Variants in SUGCT observed in about 807,000 individuals in gnomAD.
The protein encoded by SUGCT is succinyl-CoA:glutarate CoA-transferase.
A neutral mutation model predicts 55.0 loss-of-function variants in SUGCT; 41 were observed. The ratio of observed to expected loss-of-function variants is 0.74; its 90% CI spans 0.58 to 0.97. The LOEUF is 0.97. Ranked by LOEUF, SUGCT falls within the 50% of genes least tolerant of loss-of-function variation. The pLI is 0.00. For missense variants in SUGCT, 568 were observed against 547.8 expected (o/e 1.04, Z -0.37); for synonymous variants, 187 against 200.4 (o/e 0.93, Z 0.56).
At chr7:40,793,545 T>C (rs1392886368) in intron 13 of SUGCT, among the ~76,000 whole-genome samples, 1 of 152,182 alleles carries the variant, frequency 6.6e-6, no homozygotes, top group Non-Finnish European at 1.5e-5. Flanking sequence ...TTTAAATTTT[T>C]GTCTTGGACT....
chr7:40,548,086 G>A (rs1320044763), intron 12 of SUGCT, among the ~76,000 whole-genome samples: 1 of 151,180 alleles, frequency 6.6e-6, no homozygotes, highest in African/African-American at 2.4e-5. Context: ...ATTTCATTTA[G>A]TGACCTCAGT....
intron 13 of SUGCT, among the ~76,000 whole-genome samples, chr7:40,814,731 T>G (rs1287528229): frequency 6.6e-6 from 1 of 152,166 alleles, no homozygotes; most frequent in East Asian, 1.9e-4. Context: ...AGAGCTAGTG[T>G]GATCCTTTGA....
At chr7:40,440,892 A>C (rs1311916532) in intron 9 of SUGCT, among the ~76,000 whole-genome samples, 1 of 151,986 alleles carries the variant, frequency 6.6e-6, no homozygotes, top group African/African-American at 2.4e-5. Context: ...TAGCAGTTTG[A>C]GACTGCAGTG....
chr7:40,447,513 C>T (rs1429595419), intron 9 of SUGCT, among the ~76,000 whole-genome samples: 1 of 151,678 alleles, frequency 6.6e-6, no homozygotes, highest in African/African-American at 2.4e-5. Flanking sequence ...TGACAGAGGT[C>T]ACTAGAATGT....
At chr7:40,540,612 G>T (rs1794621236) in intron 12 of SUGCT, among the ~76,000 whole-genome samples, 1 of 152,188 alleles carries the variant, frequency 6.6e-6, no homozygotes, top group Non-Finnish European at 1.5e-5. Context: ...ATTAATGTTG[G>T]CAAACAGGGC....
intron 12 of SUGCT, among the ~76,000 whole-genome samples, chr7:40,688,413 A>G (rs532066425): frequency 6.6e-6 from 1 of 152,314 alleles, no homozygotes; most frequent in African/African-American, 2.4e-5. Context: ...AATAGTTGCC[A>G]TGGCACTTCT....
chr7:40,493,717 A>G (rs1463061659), intron 11 of SUGCT, among the ~76,000 whole-genome samples: 2 of 152,206 alleles, frequency 1.3e-5, no homozygotes, highest in African/African-American at 2.4e-5. Flanking sequence ...TTTTTGTCTT[A>G]TCTTCTGAAA....
chr7:40,722,874 T>C (rs986317626), intron 12 of SUGCT, among the ~76,000 whole-genome samples: 1 of 152,164 alleles, frequency 6.6e-6, no homozygotes, highest in Admixed American at 6.5e-5. Context: ...TTCAATCTGA[T>C]AACATTATTT....
At chr7:40,363,885 G>A (rs1245636391) in intron 9 of SUGCT, among the ~76,000 whole-genome samples, 1 of 152,076 alleles carries the variant, frequency 6.6e-6, no homozygotes, top group African/African-American at 2.4e-5. Flanking sequence ...TTTCTGTCTC[G>A]TTGATCTGTC....
At chr7:40,386,427 G>C (rs1785132638) in intron 9 of SUGCT, among the ~76,000 whole-genome samples, 1 of 152,134 alleles carries the variant, frequency 6.6e-6, no homozygotes, top group Non-Finnish European at 1.5e-5. Context: ...ATGGTGCATA[G>C]AACAAAGTAT....
At chr7:40,221,827 G>A (rs192587436) in intron 6 of SUGCT, among the ~76,000 whole-genome samples, 2 of 152,250 alleles carry the variant, frequency 1.3e-5, no homozygotes, top group African/African-American at 4.8e-5. Context: ...TTAATTGAAT[G>A]TTCATAGTTT....
intron 6 of SUGCT, among the ~76,000 whole-genome samples, chr7:40,229,499 A>G (rs1460566806): frequency 6.9e-6 from 1 of 144,174 alleles, no homozygotes; most frequent in Non-Finnish European, 1.5e-5. Context: ...AGTCTGGGCA[A>G]TAGAGTGAGA....
At chr7:41,032,066 T>C in the SUGCT span, among the ~76,000 whole-genome samples, 1 of 152,118 alleles carries the variant, frequency 6.6e-6, no homozygotes, top group Non-Finnish European at 1.5e-5. Flanking sequence ...TGCTAAAAGC[T>C]GGGGGATTAT....
chr7:40,845,904 T>A (rs1268354103), intron 13 of SUGCT, among the ~76,000 whole-genome samples: 1 of 152,170 alleles, frequency 6.6e-6, no homozygotes, highest in Non-Finnish European at 1.5e-5. Flanking sequence ...AGAAAAAATT[T>A]ATTAAATTCT....
At chr7:40,951,976 G>T in the SUGCT span, among the ~76,000 whole-genome samples, 1 of 152,280 alleles carries the variant, frequency 6.6e-6, no homozygotes, top group East Asian at 1.9e-4. Context: ...GGTCCGCTTG[G>T]TGCAGAGCTG....
Position 40,307,454 on chromosome 7 carries a change from T to C in SUGCT, c.721-9306T>C, listed in dbSNP as rs190236623. Among the ~76,000 whole-genome samples, 82 of 152,280 alleles carry C rather than the reference T, an allele frequency of 5.4e-4. 1 individual carries two copies. The East Asian group carries it at 0.013, about 24-fold the overall frequency. ...GAGTAGTCTGATTCTGTATCTAGTG[T>C]AGAATGCCAGAAACCAGGCTAGGTG... On this transcript the variant is annotated intron_variant, in intron 8 of 13. Transcript: ENST00000335693.
At chr7:40,562,143 C>CA (rs1446717383) in intron 12 of SUGCT, among the ~76,000 whole-genome samples, 3 of 151,196 alleles carry the variant, frequency 2.0e-5, no homozygotes, top group African/African-American at 7.3e-5. Context: ...ACTAAAAATA[C>CA]AAAAAATTAG....
chr7:41,005,288 G>A, the SUGCT span, among the ~76,000 whole-genome samples: 1 of 152,034 alleles, frequency 6.6e-6, no homozygotes, highest in Admixed American at 6.6e-5. Context: ...CAGACCTATC[G>A]AAGCAAGTCA....
At chr7:40,318,888 C>T (rs1453033907) in intron 9 of SUGCT, among the ~76,000 whole-genome samples, 2 of 152,182 alleles carry the variant, frequency 1.3e-5, no homozygotes, top group Admixed American at 6.5e-5. Flanking sequence ...AATGGAACAT[C>T]ATTTTAAAAA....
Sources: allele counts gnomAD v4.1 joint callset (sites outside exome capture counted in the v4.1 genomes callset), GRCh38; gene constraint gnomAD v4.1.1; transcripts MANE v1.5; gene names NCBI Gene and HGNC (gene_info 2026-07-23, HGNC 2026-07-21).